RHOA: variants seen among roughly 807,000 people sequenced by gnomAD.
RHOA encodes transforming protein RhoA.
A neutral mutation model predicts 17.5 loss-of-function variants in RHOA; 3 were observed. That is an observed-to-expected ratio of 0.17 (90% confidence interval 0.08 to 0.44). The LOEUF (loss-of-function observed/expected upper bound fraction) is 0.44, where lower values mean the gene tolerates loss of function less well. Among genes scored for constraint, RHOA ranks in the 20% least tolerant of loss-of-function variants. RHOA has a pLI of 0.99. For missense variants in RHOA, 56 were observed against 242.3 expected (o/e 0.23, Z 5.10); for synonymous variants, 98 against 88.4 (o/e 1.11, Z -0.61).
chr3:49,411,145 TG>T (rs909268868), intron 1 of RHOA, among the ~76,000 whole-genome samples: 2 of 152,084 alleles, frequency 1.3e-5, no homozygotes, highest in Non-Finnish European at 1.5e-5. Context: ...TTTTGTGTGT[TG>T]TTTTTTTTTT....
At chr3:49,385,656 T>C (rs559041019) in intron 1 of RHOA, among the ~76,000 whole-genome samples, 24 of 152,258 alleles carry the variant, frequency 1.6e-4, no homozygotes, top group African/African-American at 5.1e-4. Context: ...ATATCTAAAA[T>C]ACCACAGCCA....
chr3:49,384,731 C>A (rs2048369117), intron 1 of RHOA, among the ~76,000 whole-genome samples: 1 of 152,056 alleles, frequency 6.6e-6, no homozygotes, highest in Admixed American at 6.6e-5. Flanking sequence ...TGGTCTTAAA[C>A]TCCTGGGCTC....
intron 3 of RHOA, among the ~76,000 whole-genome samples, chr3:49,368,122 G>C (rs943322451): frequency 6.6e-6 from 1 of 152,156 alleles, no homozygotes; most frequent in Non-Finnish European, 1.5e-5. Context: ...ATGTTGGCCA[G>C]GCTGGTCTTG....
chr3:49,400,228 A>AAC lies in RHOA; in HGVS notation c.-3+11591_-3+11592insGT, dbSNP rs1559516726. On this transcript the variant is annotated intron_variant, in intron 1 of 4. Transcript: ENST00000418115. The stretch of plus-strand genomic sequence containing the variant: ...CTCCATCTCAAAAAAAAAAAAAAAC[A>AAC]AAAAAAACGAAACTACAGAAGCATA... 6.3e-4 allele frequency among the ~76,000 whole-genome samples: 3 copies of AAC among 4,770 alleles called. 1 individual carries two copies. Among genetic ancestry groups the AAC allele is most frequent in the Non-Finnish European group, 4.2e-3 (3 of 706 alleles). The allele number at this position is 4,770 out of a possible 152,430, so 3.1% of individuals were successfully genotyped here. A position where few individuals can be genotyped will look rare whatever the true frequency, so the allele number is the denominator to read the frequency against.
intron 1 of RHOA, among the ~76,000 whole-genome samples, chr3:49,383,695 C>T (rs763622140): frequency 2.6e-5 from 4 of 152,082 alleles, no homozygotes; most frequent in Non-Finnish European, 5.9e-5. Context: ...TGTCCAGACT[C>T]TGTCTCCACC....
intron 1 of RHOA, among the ~76,000 whole-genome samples, chr3:49,387,442 T>TC (rs1326221340): frequency 4.2e-4 from 30 of 71,906 alleles, no homozygotes; most frequent in African/African-American, 1.3e-3. Flanking sequence ...AGACTCCATC[T>TC]CGGGGGAAAA....
chr3:49,408,158 C>T (rs2048866604), intron 1 of RHOA, among the ~76,000 whole-genome samples: 1 of 71,240 alleles, frequency 1.4e-5, no homozygotes, highest in Non-Finnish European at 2.6e-5. Context: ...GACTCAGTCT[C>T]AAAAGAGAAA....
chr3:49,402,322 G>A (rs2048738982), intron 1 of RHOA, among the ~76,000 whole-genome samples: 1 of 151,988 alleles, frequency 6.6e-6, no homozygotes, highest in Non-Finnish European at 1.5e-5. Context: ...CCAGTGAGCT[G>A]GCTAAGAATT....
chr3:49,376,905 G>T (rs1196595410), intron 1 of RHOA, among the ~76,000 whole-genome samples: 2 of 151,978 alleles, frequency 1.3e-5, no homozygotes, highest in African/African-American at 4.8e-5. Flanking sequence ...GAGGCAGGCA[G>T]ATCACCTGAG....
intron 1 of RHOA, among the ~76,000 whole-genome samples, chr3:49,399,943 G>A (rs2048693879): frequency 6.6e-6 from 1 of 151,996 alleles, no homozygotes; most frequent in African/African-American, 2.4e-5. Context: ...AGAAACGGCT[G>A]GGCACGGTGG....
chr3:49,381,770 C>A (rs1198255822), intron 1 of RHOA, among the ~76,000 whole-genome samples: 1 of 150,816 alleles, frequency 6.6e-6, no homozygotes, highest in African/African-American at 2.4e-5. Context: ...GAGGCTGAGG[C>A]AGGAGAATCA....
intron 2 of RHOA, among the ~76,000 whole-genome samples, chr3:49,369,630 G>A (rs1470485665): frequency 2.0e-5 from 3 of 151,956 alleles, no homozygotes; most frequent in Admixed American, 1.3e-4. Context: ...AGCTACTGGA[G>A]AGGCTAAGGC....
At chr3:49,367,985 C>G (rs1420400439) in intron 3 of RHOA, among the ~76,000 whole-genome samples, 2 of 152,064 alleles carry the variant, frequency 1.3e-5, no homozygotes, top group Non-Finnish European at 2.9e-5. Flanking sequence ...TCTCGGCTCA[C>G]TGCAATCTCC....
chr3:49,378,526 G>A (rs2048269562), intron 1 of RHOA, among the ~76,000 whole-genome samples: 1 of 151,902 alleles, frequency 6.6e-6, no homozygotes, highest in African/African-American at 2.4e-5. Context: ...AGGGATTACA[G>A]GCGTGAGCCA....
At chr3:49,366,408 G>C (rs749890191) in intron 3 of RHOA, among the ~76,000 whole-genome samples, 4 of 152,164 alleles carry the variant, frequency 2.6e-5, no homozygotes, top group African/African-American at 4.8e-5. Context: ...TTTGAGAGAA[G>C]CCTGGCCAAC....
chr3:49,403,168 C>T (rs576271722), intron 1 of RHOA, among the ~76,000 whole-genome samples: 24 of 151,940 alleles, frequency 1.6e-4, no homozygotes, highest in Non-Finnish European at 7.4e-5. Flanking sequence ...GAAACCCCAT[C>T]TCTACTAAAA....
intron 1 of RHOA, among the ~76,000 whole-genome samples, chr3:49,395,504 G>C (rs1400849122): frequency 6.6e-6 from 1 of 152,094 alleles, no homozygotes; most frequent in Non-Finnish European, 1.5e-5. Context: ...CCTGAGGTCA[G>C]GAGTTCAAGA....
chr3:49,371,328 T>C (rs1465383114), intron 2 of RHOA, among the ~76,000 whole-genome samples: 2 of 151,832 alleles, frequency 1.3e-5, no homozygotes, highest in Admixed American at 6.6e-5. Context: ...CGCCCAGGCT[T>C]GAGTGCAGTG....
chr3:49,410,390 C>T (rs993753343), intron 1 of RHOA, among the ~76,000 whole-genome samples: 1 of 152,202 alleles, frequency 6.6e-6, no homozygotes, highest in African/African-American at 2.4e-5. Flanking sequence ...TTCCTACTCT[C>T]TTCTTCCCTC....
Sources: allele counts gnomAD v4.1 joint callset (sites outside exome capture counted in the v4.1 genomes callset), GRCh38; gene constraint gnomAD v4.1.1; transcripts MANE v1.5; gene names NCBI Gene and HGNC (gene_info 2026-07-23, HGNC 2026-07-21).